The following CDH12 variants were observed in gnomAD, a reference collection of about 807,000 sequenced individuals.
CDH12 encodes the protein cadherin-12.
CDH12 carries 41 observed loss-of-function variants against 74.1 expected under a neutral mutation model. That is an observed-to-expected ratio of 0.55 (90% CI 0.43 to 0.72). CDH12 has a LOEUF of 0.72. CDH12 is among the 30% of genes least tolerant of loss of function. The pLI is 0.00. For synonymous variants in CDH12, 399 were observed against 355.0 expected, an observed-to-expected ratio of 1.12 and a Z score of -1.39; for missense variants, 945 against 977.2, an observed-to-expected ratio of 0.97 and a Z score of 0.44.
intron 1 of CDH12, among the ~76,000 whole-genome samples, chr5:22,626,762 G>T (rs969054518): frequency 3.9e-5 from 6 of 152,094 alleles, no homozygotes; most frequent in Non-Finnish European, 8.8e-5. Context: ...TGGCTAAAAT[G>T]ACAGACATAG....
At chr5:22,495,733 C>G (rs1293686213) in intron 2 of CDH12, among the ~76,000 whole-genome samples, 1 of 150,362 alleles carries the variant, frequency 6.7e-6, no homozygotes, top group East Asian at 2.0e-4. Flanking sequence ...AACTTTAGAA[C>G]ATACAACCAC....
At chr5:21,978,450 G>A (rs192976977) in intron 5 of CDH12, among the ~76,000 whole-genome samples, 2 of 152,066 alleles carry the variant, frequency 1.3e-5, no homozygotes, top group East Asian at 1.9e-4. Context: ...GCCCTTCTTT[G>A]TTATTTTTAT....
At chr5:22,741,328 T>C (rs961447067) in intron 1 of CDH12, among the ~76,000 whole-genome samples, 1 of 152,226 alleles carries the variant, frequency 6.6e-6, no homozygotes, top group Non-Finnish European at 1.5e-5. Flanking sequence ...AATTTTAACA[T>C]GCATGTTTCT....
At chr5:22,379,083 C>T (rs982142071) in intron 3 of CDH12, among the ~76,000 whole-genome samples, 7 of 151,818 alleles carry the variant, frequency 4.6e-5, no homozygotes, top group African/African-American at 9.7e-5. Flanking sequence ...ATAGTTGTCC[C>T]GATACTAGCA....
At chr5:22,850,845 CTA>C (rs1253615057) in intron 1 of CDH12, among the ~76,000 whole-genome samples, 7 of 152,048 alleles carry the variant, frequency 4.6e-5, no homozygotes, top group Non-Finnish European at 1.0e-4. Flanking sequence ...AGCCATCACT[CTA>C]TGAATCCTCC....
At chr5:22,392,225 G>A (rs934876853) in intron 3 of CDH12, among the ~76,000 whole-genome samples, 9 of 152,102 alleles carry the variant, frequency 5.9e-5, no homozygotes, top group East Asian at 3.9e-4. Flanking sequence ...CCTGACAGAC[G>A]GTGCCTTCTG....
chr5:22,402,057 C>T (rs1427983885), intron 3 of CDH12, among the ~76,000 whole-genome samples: 1 of 152,164 alleles, frequency 6.6e-6, no homozygotes, highest in Non-Finnish European at 1.5e-5. Flanking sequence ...TTTTAAATCA[C>T]CCAATGTGTG....
At chr5:22,721,967 A>G (rs1197231205) in intron 1 of CDH12, among the ~76,000 whole-genome samples, 1 of 152,064 alleles carries the variant, frequency 6.6e-6, no homozygotes, top group Non-Finnish European at 1.5e-5. Context: ...CTCTTTATAA[A>G]TTACCCAGCC....
intron 4 of CDH12, among the ~76,000 whole-genome samples, chr5:22,159,376 C>T (rs556977988): frequency 1.3e-5 from 2 of 152,110 alleles, no homozygotes; most frequent in Admixed American, 1.3e-4. Flanking sequence ...TATGCCTACA[C>T]ATTTTCATTA....
chr5:21,927,999 G>C (rs923255266), intron 6 of CDH12, among the ~76,000 whole-genome samples: 1 of 152,048 alleles, frequency 6.6e-6, no homozygotes, highest in Admixed American at 6.6e-5. Context: ...GTGAACCCGG[G>C]AGGCGGAGCT....
intron 5 of CDH12, among the ~76,000 whole-genome samples, chr5:22,011,401 T>C (rs755605397): frequency 9.2e-5 from 14 of 152,238 alleles, no homozygotes; most frequent in Non-Finnish European, 1.9e-4. Flanking sequence ...TTTTCTGTAC[T>C]CTTAGAAAAA....
At chr5:22,635,401 G>A (rs1237773143) in intron 1 of CDH12, among the ~76,000 whole-genome samples, 1 of 152,228 alleles carries the variant, frequency 6.6e-6, no homozygotes, top group East Asian at 1.9e-4. Flanking sequence ...TAAAAGAAAG[G>A]TAGGATTAAA....
At chr5:22,388,138 C>G (rs1663318) in intron 3 of CDH12, among the ~76,000 whole-genome samples, 1 of 151,906 alleles carries the variant, frequency 6.6e-6, no homozygotes, top group Non-Finnish European at 1.5e-5. Context: ...AGGCAATTTG[C>G]TTAATACTTC....
intron 4 of CDH12, among the ~76,000 whole-genome samples, chr5:22,207,854 G>T (rs1236469706): frequency 1.3e-5 from 2 of 152,146 alleles, no homozygotes; most frequent in Admixed American, 6.5e-5. Context: ...GGAGAAAAAA[G>T]ATCTCTAATT....
At chr5:22,471,190 T>A (rs1352628970) in intron 2 of CDH12, among the ~76,000 whole-genome samples, 1 of 152,204 alleles carries the variant, frequency 6.6e-6, no homozygotes, top group Non-Finnish European at 1.5e-5. Context: ...CAACACCCAA[T>A]GAACAATCTC....
chr5:21,752,131 CCTT>C lies in CDH12; in HGVS notation c.1988_1990del (p.Glu663del). 3 of 1,614,110 alleles carry C rather than the reference CCTT, an allele frequency of 1.9e-6. No homozygotes were observed. The highest frequency in any genetic ancestry group is 1.7e-5 in the Admixed American group (1 of 59,994). ...AGCCTGGGTATCTTCCTCCCCACCT[CCTT>C]CATCATCGTAATGGATGACGTTGTC... On this transcript the variant is annotated inframe_deletion, in exon 15 of 15. Coordinates refer to ENST00000382254, the MANE Select transcript of CDH12 (RefSeq NM_004061.5).
intron 2 of CDH12, among the ~76,000 whole-genome samples, chr5:22,484,873 A>G (rs545977552): frequency 2.4e-4 from 37 of 152,128 alleles, no homozygotes; most frequent in Non-Finnish European, 4.4e-4. Context: ...ATAGTAGAAC[A>G]ATAACAACAT....
chr5:22,372,512 G>A (rs958654493), intron 3 of CDH12, among the ~76,000 whole-genome samples: 1 of 152,244 alleles, frequency 6.6e-6, no homozygotes, highest in Non-Finnish European at 1.5e-5. Flanking sequence ...TTCCAGAGGG[G>A]ACACTCATGC....
chr5:22,387,200 T>A (rs927607779), intron 3 of CDH12, among the ~76,000 whole-genome samples: 2 of 152,006 alleles, frequency 1.3e-5, no homozygotes, highest in African/African-American at 4.8e-5. Flanking sequence ...ACTATTATTT[T>A]GAGCAAAAAT....
Sources: gnomAD v4.1 joint callset for allele counts (sites outside exome capture counted in the v4.1 genomes callset) on GRCh38, gnomAD v4.1.1 for gene constraint, MANE v1.5 for transcripts, NCBI Gene and HGNC (gene_info 2026-07-23, HGNC 2026-07-21) for gene names.